CDH13: variants seen among roughly 807,000 people sequenced by gnomAD.
CDH13 encodes cadherin-13.
CDH13 carries 24 observed loss-of-function variants against 63.8 expected under a neutral mutation model. That is an observed-to-expected ratio of 0.38 (90% CI 0.27 to 0.53). The LOEUF (loss-of-function observed/expected upper bound fraction) is 0.53. Ranked by LOEUF, CDH13 falls within the 20% of genes least tolerant of loss-of-function variation. The probability of loss-of-function intolerance (pLI) is 0.85; values close to 1 mark genes in which losing one functional copy is unlikely to be tolerated. For synonymous variants in CDH13, 503 were observed against 355.3 expected (o/e 1.42, Z -4.67); for missense variants, 1,049 against 903.1 (o/e 1.16, Z -2.07).
At chr16:82,693,410 T>C (rs145569172) in intron 1 of CDH13, among the ~76,000 whole-genome samples, 514 of 151,788 alleles carry the variant, frequency 3.4e-3, no homozygotes, top group South Asian at 6.6e-3. Flanking sequence ...AGGACATATC[T>C]GTGCACCTCT....
chr16:83,303,082 C>A (rs1404120017), intron 5 of CDH13, among the ~76,000 whole-genome samples: 1 of 152,142 alleles, frequency 6.6e-6, no homozygotes, highest in Non-Finnish European at 1.5e-5. Flanking sequence ...ATCAGAGAGA[C>A]AAGGGGCATC....
chr16:83,558,375 C>A (rs891250446), intron 7 of CDH13, among the ~76,000 whole-genome samples: 7 of 151,510 alleles, frequency 4.6e-5, no homozygotes, highest in South Asian at 2.1e-4. Context: ...AGCTTGAAGT[C>A]AAAAAAAATG....
intron 2 of CDH13, among the ~76,000 whole-genome samples, chr16:82,896,276 ATTTTTTTTTTTTTT>A (rs59677448): frequency 0.022 from 1,951 of 87,968 alleles, 111 homozygotes; most frequent in African/African-American, 0.076. Flanking sequence ...TAGGATTAGG[ATTTTTTTTTTTTTT>A]TTTTTTTTTT....
chr16:83,130,460 C>G (rs1053771165), intron 4 of CDH13, among the ~76,000 whole-genome samples: 2 of 152,136 alleles, frequency 1.3e-5, no homozygotes, highest in East Asian at 3.8e-4. Context: ...CTTTTTAAAA[C>G]AGCATTAAAA....
chr16:83,012,930 T>A (rs907871805), intron 2 of CDH13, among the ~76,000 whole-genome samples: 1 of 152,234 alleles, frequency 6.6e-6, no homozygotes, highest in Non-Finnish European at 1.5e-5. Flanking sequence ...TGCATAGAGA[T>A]AACATTCAGG....
At chr16:83,232,550 AAAC>A (rs1567525835) in intron 5 of CDH13, among the ~76,000 whole-genome samples, 15,381 of 124,874 alleles carry the variant, frequency 0.12, 992 homozygotes, top group Non-Finnish European at 0.17. Context: ...AACAACAAAC[AAAC>A]AAAAAAAAAA....
At chr16:83,303,570 T>C (rs1597704942) in intron 5 of CDH13, among the ~76,000 whole-genome samples, 1 of 152,308 alleles carries the variant, frequency 6.6e-6, no homozygotes, top group African/African-American at 2.4e-5. Context: ...TTTAATCTTC[T>C]GGTTAATGAA....
intron 3 of CDH13, among the ~76,000 whole-genome samples, chr16:83,090,719 G>C (rs1218557069): frequency 6.6e-6 from 1 of 152,120 alleles, no homozygotes; most frequent in African/African-American, 2.4e-5. Flanking sequence ...GACTGCACGA[G>C]TTGGTGATTA....
At chr16:83,464,791 C>A (rs558752324) in intron 6 of CDH13, among the ~76,000 whole-genome samples, 1 of 152,034 alleles carries the variant, frequency 6.6e-6, no homozygotes, top group Non-Finnish European at 1.5e-5. Context: ...TGGGGAGGAC[C>A]CTAGTCAACC....
chr16:83,243,028 A>T (rs1286074515), intron 5 of CDH13, among the ~76,000 whole-genome samples: 1 of 152,186 alleles, frequency 6.6e-6, no homozygotes, highest in South Asian at 2.1e-4. Context: ...AAACTGCAGG[A>T]TTGACAGGTT....
At chr16:82,713,459 C>A (rs568793424) in intron 1 of CDH13, among the ~76,000 whole-genome samples, 1 of 152,254 alleles carries the variant, frequency 6.6e-6, no homozygotes, top group East Asian at 1.9e-4. Flanking sequence ...CCTTTCCCTG[C>A]CTGCCCCCAG....
chr16:83,061,932 A>G (rs533039187), intron 3 of CDH13, among the ~76,000 whole-genome samples: 7 of 152,292 alleles, frequency 4.6e-5, no homozygotes, highest in Admixed American at 2.6e-4. Flanking sequence ...GGCCCTCTAG[A>G]GAGGCTGTGA....
At chr16:82,702,465 C>T (rs955147057) in intron 1 of CDH13, among the ~76,000 whole-genome samples, 4 of 152,174 alleles carry the variant, frequency 2.6e-5, no homozygotes, top group Non-Finnish European at 5.9e-5. Flanking sequence ...GTACCTTGTA[C>T]ACAGTGCAGG....
chr16:83,243,132 C>A (rs1034520918), intron 5 of CDH13, among the ~76,000 whole-genome samples: 1 of 152,182 alleles, frequency 6.6e-6, no homozygotes, highest in South Asian at 2.1e-4. Flanking sequence ...AACCACCATA[C>A]CGCCAAAGAG....
rs1911911543 is a variant in CDH13, at chr16:82,661,264, G to T, written c.45+34127G>T. ...CCTGAGGACACACGCTCTGTCCATT[G>T]AAACAGATTAGCTCTGATCACAGCT... On this transcript the variant is annotated intron_variant, in intron 1 of 13. Coordinates refer to ENST00000567109, the MANE Select transcript of CDH13 (RefSeq NM_001257.5). Among the ~76,000 whole-genome samples the T allele has an allele frequency of 2.0e-5, 3 of 152,216 alleles. No individual in the cohort carries two copies. In the South Asian group the frequency reaches 6.2e-4, roughly 31 times the overall value.
At chr16:83,065,245 G>GA (rs1191871037) in intron 3 of CDH13, among the ~76,000 whole-genome samples, 2 of 152,166 alleles carry the variant, frequency 1.3e-5, no homozygotes, top group Non-Finnish European at 2.9e-5. Flanking sequence ...GTCGGATATA[G>GA]AAAAAGCTTG....
At chr16:83,004,138 C>T (rs1006675413) in intron 2 of CDH13, among the ~76,000 whole-genome samples, 3 of 152,124 alleles carry the variant, frequency 2.0e-5, no homozygotes, top group Non-Finnish European at 2.9e-5. Flanking sequence ...CTGAGTCCGA[C>T]CAGCAGAAAC....
At chr16:83,622,546 C>T (rs1192541870) in intron 8 of CDH13, among the ~76,000 whole-genome samples, 1 of 152,186 alleles carries the variant, frequency 6.6e-6, no homozygotes, top group Non-Finnish European at 1.5e-5. Context: ...CCATCAATAG[C>T]TTATAATTGA....
chr16:82,967,442 G>T (rs187812558), intron 2 of CDH13, among the ~76,000 whole-genome samples: 1 of 152,118 alleles, frequency 6.6e-6, no homozygotes, highest in African/African-American at 2.4e-5. Flanking sequence ...ATTTGCGCCC[G>T]CTGAATCCTC....
Sources: allele counts gnomAD v4.1 joint callset (sites outside exome capture counted in the v4.1 genomes callset), GRCh38; gene constraint gnomAD v4.1.1; transcripts MANE v1.5; gene names NCBI Gene and HGNC (gene_info 2026-07-23, HGNC 2026-07-21).